ADA: variants seen among roughly 807,000 people sequenced by gnomAD.
ADA encodes the protein adenosine aminohydrolase.
Under a neutral mutation model 49.0 loss-of-function variants are expected in ADA, and 45 were observed. The ratio of observed to expected loss-of-function variants is 0.92; its 90% CI spans 0.72 to 1.18. The LOEUF (loss-of-function observed/expected upper bound fraction) is 1.18. Among genes scored for constraint, ADA ranks in the 50% most tolerant of loss-of-function variants. ADA has a pLI of 0.00. For missense variants in ADA, 445 were observed against 472.5 expected (o/e 0.94, Z 0.54); for synonymous variants, 173 against 184.2 (o/e 0.94, Z 0.49).
At position 44,635,289 on chromosome 20, in the gene ADA, A is replaced by G. The variant is rs367763788; in HGVS notation, c.95+938T>C. Among the ~76,000 whole-genome samples the G allele has an allele frequency of 3.4e-4, 51 of 152,176 alleles. 1 individual carries two copies. The East Asian group carries it at 7.7e-3, about 23-fold the overall frequency. On this transcript the variant is annotated intron_variant, in intron 2 of 11. Coordinates refer to ENST00000372874, the MANE Select transcript of ADA (RefSeq NM_000022.4). Reference sequence around the variant, plus strand: ...GTGTTCTCACTTGGAAGATGCAGAGATTTAGGCCCAGAGTTGGGGAGCCAC... The same window carrying G: ...GTGTTCTCACTTGGAAGATGCAGAGGTTTAGGCCCAGAGTTGGGGAGCCAC...
At chr20:44,630,866 T>A (rs1428600930) in intron 2 of ADA, among the ~76,000 whole-genome samples, 1 of 152,030 alleles carries the variant, frequency 6.6e-6, no homozygotes, top group East Asian at 1.9e-4. Context: ...AAACAAAAAT[T>A]CACCAGGCGT....
intron 1 of ADA, among the ~76,000 whole-genome samples, chr20:44,645,736 G>A (rs1019523249): frequency 2.0e-5 from 3 of 152,134 alleles, no homozygotes; most frequent in Non-Finnish European, 2.9e-5. Flanking sequence ...GGTGGGTATG[G>A]GTATAATTCT....
In ADA at chr20:44,632,530, T is replaced by C. The variant is rs73615498; in HGVS notation, c.96-3361A>G. On this transcript the variant is annotated intron_variant, in intron 2 of 11. Coordinates refer to ENST00000372874, the MANE Select transcript of ADA (RefSeq NM_000022.4). The stretch of plus-strand genomic sequence containing the variant: ...CACAGGGGACTCCCAGTGTCTCCCA[T>C]GGGACACAGCTTCCCGAAGCTGCTC... 7.1e-3 allele frequency among the ~76,000 whole-genome samples: 1,078 copies of C among 152,280 alleles called. 14 individuals carry two copies. The East Asian group carries it at 0.08, about 11-fold the overall frequency.
At position 44,631,888 on chromosome 20, in the gene ADA, G is replaced by A. The variant is rs577490303; in HGVS notation, c.96-2719C>T. Among the ~76,000 whole-genome samples the A allele has an allele frequency of 3.3e-5, 5 of 152,184 alleles. No individual in the cohort carries two copies. The East Asian group carries it at 7.7e-4, about 24-fold the overall frequency. The stretch of plus-strand genomic sequence containing the variant: ...CTACCTGTTGAGAGGCAGGCATCTC[G>A]CGCCACCTTTCCCCTCCCTCTAGAT... On this transcript the variant is annotated intron_variant, in intron 2 of 11. Transcript: ENST00000372874.
intron 1 of ADA, among the ~76,000 whole-genome samples, chr20:44,644,426 C>T (rs1243391254): frequency 6.6e-6 from 1 of 152,144 alleles, no homozygotes; most frequent in Non-Finnish European, 1.5e-5. Context: ...GCTCTCCCTG[C>T]AACAAGGAAG....
chr20:44,625,530 G>A, intron 5 of ADA, 39 bp downstream of exon 5: 2 of 1,531,122 alleles, frequency 1.3e-6, no homozygotes, highest in Admixed American at 2.0e-5. Context: ...GGGCCAGGGT[G>A]AGACGGGCGG....
chr20:44,629,075 T>C lies in ADA; in HGVS notation c.190A>G (p.Lys64Glu). The change falls in exon 3 of 12, where the codon AAG becomes GAG. Residue 64 changes from lysine to glutamate, a missense_variant. Transcript: ENST00000372874. Reference protein sequence around the residue: ...KPLTLPDFLAKFDYYMPAIAG... With the variant: ...KPLTLPDFLAEFDYYMPAIAG... Reference sequence around the variant, plus strand: ...ATAGCAGGCATGTAGTAGTCAAACTTGGCCAGGAAGTCTGGAAGGGTGAGC... The same window carrying C: ...ATAGCAGGCATGTAGTAGTCAAACTCGGCCAGGAAGTCTGGAAGGGTGAGC... The C allele has an allele frequency of 6.2e-7, 1 of 1,614,194 alleles. No individual in the cohort carries two copies. Among genetic ancestry groups the C allele is most frequent in the Non-Finnish European group, 8.5e-7 (1 of 1,180,032 alleles).
chr20:44,622,081 G>A (rs244078), intron 9 of ADA, among the ~76,000 whole-genome samples: 34,308 of 152,166 alleles, frequency 0.23, 4,842 homozygotes, highest in African/African-American at 0.41. Flanking sequence ...TACTGCTCCT[G>A]TGGCTTGGCG....
intron 1 of ADA, among the ~76,000 whole-genome samples, chr20:44,645,627 T>C (rs1226350449): frequency 6.6e-6 from 1 of 152,040 alleles, no homozygotes; most frequent in Non-Finnish European, 1.5e-5. Context: ...GTCTCAAAAG[T>C]CAAAGTAGGA....
chr20:44,637,822 G>A (rs913842589), intron 1 of ADA, among the ~76,000 whole-genome samples: 1 of 152,204 alleles, frequency 6.6e-6, no homozygotes, highest in African/African-American at 2.4e-5. Flanking sequence ...TTCACACCCA[G>A]TCTCAGGGCC....
intron 9 of ADA, 103 bp downstream of exon 9, chr20:44,622,485 T>C: frequency 7.2e-7 from 1 of 1,383,100 alleles, no homozygotes; most frequent in Non-Finnish European, 1.0e-6. Context: ...AGAGATTTCA[T>C]ATCTAAAAGA....
intron 1 of ADA, among the ~76,000 whole-genome samples, chr20:44,644,318 C>G (rs1042389924): frequency 6.6e-6 from 1 of 152,068 alleles, no homozygotes; most frequent in African/African-American, 2.4e-5. Context: ...GTCATCATGT[C>G]GTGTCCTCAG....
Position 44,624,320 on chromosome 20 carries a change from G to A in ADA, c.488C>T (p.Pro163Leu). The A allele has an allele frequency of 6.2e-7, 1 of 1,613,522 alleles. No homozygotes were observed. The change falls in exon 6 of 12, where the codon CCC becomes CTC. Residue 163 changes from proline (P) to leucine (L), a missense_variant. Physicochemically the swap from Pro to Leu is moderately conservative, Grantham distance 98. Coordinates refer to ENST00000372874, the MANE Select transcript of ADA (RefSeq NM_000022.4). The part of the protein sequence containing the change: ...CCMRHQPNWS[P>L]KVVELCKKYQ... Reference sequence around the variant, plus strand: ...CTTCTTACACAGCTCCACCACCTTGGGGGACCAGTCTGTGGGCGAGATGCC... The same window carrying A: ...CTTCTTACACAGCTCCACCACCTTGAGGGACCAGTCTGTGGGCGAGATGCC...
rs1555844617 is a variant in ADA at position 44,625,650 on chromosome 20, C to CT, written c.396dup (p.Val133SerfsTer38). ...TCCCCCTCCTGCAGGCCCTGGCCCA[C>CT]TAGGGCCACCACCTCGTCTGGGGTG... On this transcript the variant is annotated frameshift_variant, in exon 5 of 12. Coordinates refer to ENST00000372874, the MANE Select transcript of ADA (RefSeq NM_000022.4). LOFTEE classifies it high-confidence loss of function. 6.4e-7 allele frequency: 1 copy of CT among 1,574,380 alleles called. No individual in the cohort carries two copies. Among genetic ancestry groups the CT allele is most frequent in the Non-Finnish European group, 8.6e-7 (1 of 1,159,140 alleles).
intron 2 of ADA, among the ~76,000 whole-genome samples, chr20:44,634,618 T>C (rs905935468): frequency 2.6e-5 from 4 of 152,244 alleles, no homozygotes; most frequent in Admixed American, 6.5e-5. Flanking sequence ...AAAGGAGTGT[T>C]TGGCACACAG....
chr20:44,621,957 A>G (rs1204814661), intron 9 of ADA, among the ~76,000 whole-genome samples: 1 of 152,148 alleles, frequency 6.6e-6, no homozygotes, highest in Admixed American at 6.5e-5. Context: ...ATCAGAGCCG[A>G]AGCCCCTCCC....
chr20:44,641,750 CATTT>C (rs1211343764), intron 1 of ADA, among the ~76,000 whole-genome samples: 5 of 151,228 alleles, frequency 3.3e-5, no homozygotes, highest in Admixed American at 2.6e-4. Flanking sequence ...AGTATTTATT[CATTT>C]ATTTATTTGT....
chr20:44,634,759 GT>G (rs994469930), intron 2 of ADA, among the ~76,000 whole-genome samples: 9 of 152,268 alleles, frequency 5.9e-5, no homozygotes, highest in Non-Finnish European at 7.3e-5. Flanking sequence ...CTCTCAGGGA[GT>G]TGGTGGAGAT....
At chr20:44,627,179 T>G (rs1237546747) in intron 3 of ADA, among the ~76,000 whole-genome samples, 1 of 150,502 alleles carries the variant, frequency 6.6e-6, no homozygotes, top group Non-Finnish European at 1.5e-5. Context: ...CCTGACCACC[T>G]TATCTTTTTT....
Sources: gnomAD v4.1 joint callset for allele counts (sites outside exome capture counted in the v4.1 genomes callset) on GRCh38, gnomAD v4.1.1 for gene constraint, MANE v1.5 for transcripts, NCBI Gene and HGNC (gene_info 2026-07-23, HGNC 2026-07-21) for gene names.